CPQ: variants seen among roughly 807,000 people sequenced by gnomAD.
CPQ encodes Ser-Met dipeptidase.
Under a neutral mutation model 45.7 loss-of-function variants are expected in CPQ, and 37 were observed. The ratio of observed to expected loss-of-function variants is 0.81; its 90% CI spans 0.62 to 1.07. The LOEUF is 1.07. Ranked by LOEUF, CPQ falls within the 50% of genes least tolerant of loss-of-function variation. CPQ has a pLI of 0.00. For missense variants in CPQ, 537 were observed against 572.9 expected, an observed-to-expected ratio of 0.94 and a Z score of 0.64; for synonymous variants, 186 against 205.8, an observed-to-expected ratio of 0.90 and a Z score of 0.82.
chr8:97,083,012 A>G (rs1205851914), intron 7 of CPQ, among the ~76,000 whole-genome samples: 3 of 152,202 alleles, frequency 2.0e-5, no homozygotes, highest in African/African-American at 4.8e-5. Flanking sequence ...GAGAGGCAAC[A>G]AGTGTCATGA....
In CPQ at chr8:96,767,635, C is replaced by CTTTT. The variant is rs1172189500; in HGVS notation, c.-34-17206_-34-17203dup. ...AATCCCTTTCAGCTGGTTACCTATG[C>CTTTT]TTTTTTTTTTTTTTTTTTTTTTTTT... On this transcript the variant is annotated intron_variant, in intron 1 of 7. Coordinates refer to ENST00000220763, the MANE Select transcript of CPQ (RefSeq NM_016134.4). Among the ~76,000 whole-genome samples the CTTTT allele has an allele frequency of 1.2e-3, 46 of 39,310 alleles. 10 individuals are homozygous for CTTTT. Among genetic ancestry groups the CTTTT allele is most frequent in the African/African-American group, 2.0e-3 (18 of 9,072 alleles). The allele number at this position is 39,310 out of a possible 152,430, so 25.8% of individuals were successfully genotyped here. A position where few individuals can be genotyped will look rare whatever the true frequency, so the allele number is the denominator to read the frequency against.
At position 96,726,694 on chromosome 8, in the gene CPQ, C is replaced by A. The variant is rs189321419; in HGVS notation, c.-34-58170C>A. ...TCCAATCACCTCCCACCAGGCCCCA[C>A]CTCCAACAATAGCGATTACAACTGA... On this transcript the variant is annotated intron_variant, in intron 1 of 7. Transcript: ENST00000220763. Among the ~76,000 whole-genome samples the A allele has an allele frequency of 1.1e-4, 17 of 152,262 alleles. No homozygotes were observed. The East Asian group carries it at 3.3e-3, about 29-fold the overall frequency.
chr8:97,035,215 T>A lies in CPQ; in HGVS notation c.1053+5721T>A, dbSNP rs146272823. ...CATCCCTTTCTATTACTGGGTAGTT[T>A]TCTATTGTGTGAATATACCACAGTC... On this transcript the variant is annotated intron_variant, in intron 6 of 7. Transcript: ENST00000220763. Among the ~76,000 whole-genome samples, 312 of 152,270 alleles carry A rather than the reference T, an allele frequency of 2.0e-3. 2 individuals carry two copies. Among genetic ancestry groups the A allele is most frequent in the African/African-American group, 7.2e-3 (301 of 41,540 alleles).
At chr8:96,672,064 T>A (rs1809010365) in intron 1 of CPQ, among the ~76,000 whole-genome samples, 1 of 148,918 alleles carries the variant, frequency 6.7e-6, no homozygotes. Context: ...CTGTGCAATG[T>A]CCAACACCAG....
At chr8:97,028,894 C>G (rs1368339714) in intron 5 of CPQ, among the ~76,000 whole-genome samples, 2 of 152,196 alleles carry the variant, frequency 1.3e-5, no homozygotes, top group Non-Finnish European at 2.9e-5. Context: ...ATAACTGTTG[C>G]ATCTGCTTTT....
intron 3 of CPQ, among the ~76,000 whole-genome samples, chr8:96,860,365 C>G (rs1811910366): frequency 6.6e-6 from 1 of 152,132 alleles, no homozygotes; most frequent in African/African-American, 2.4e-5. Context: ...GCTATTATTG[C>G]TATGGCCATG....
chr8:96,911,537 A>T (rs1238057955), intron 4 of CPQ, among the ~76,000 whole-genome samples: 1 of 152,130 alleles, frequency 6.6e-6, no homozygotes, highest in Non-Finnish European at 1.5e-5. Flanking sequence ...TGATTCAATG[A>T]TTCCTGGTGA....
At chr8:96,926,741 A>G (rs1363717105) in intron 4 of CPQ, among the ~76,000 whole-genome samples, 1 of 151,322 alleles carries the variant, frequency 6.6e-6, no homozygotes, top group Non-Finnish European at 1.5e-5. Flanking sequence ...GGTTTATTAC[A>G]TAGGTATACA....
At chr8:96,980,549 C>T (rs1012547365) in intron 5 of CPQ, among the ~76,000 whole-genome samples, 8 of 152,166 alleles carry the variant, frequency 5.3e-5, no homozygotes, top group Non-Finnish European at 1.5e-5. Context: ...CCTGCTAAGC[C>T]ATCAATAATA....
At chr8:97,128,323 C>T (rs1456300527) in intron 7 of CPQ, among the ~76,000 whole-genome samples, 4 of 152,136 alleles carry the variant, frequency 2.6e-5, no homozygotes, top group Non-Finnish European at 5.9e-5. Context: ...GTGTGTAAGT[C>T]CTAGCTCTCC....
intron 7 of CPQ, among the ~76,000 whole-genome samples, chr8:97,090,931 C>T (rs1170486294): frequency 1.3e-5 from 2 of 152,156 alleles, no homozygotes; most frequent in South Asian, 4.1e-4. Context: ...AGAGTCCATG[C>T]CCCTTTAACT....
chr8:96,804,373 T>A (rs1215212594), intron 2 of CPQ, among the ~76,000 whole-genome samples: 1 of 152,134 alleles, frequency 6.6e-6, no homozygotes, highest in African/African-American at 2.4e-5. Context: ...TATCTTTTAG[T>A]AGAAGCACAG....
chr8:96,672,014 A>G (rs1306821400), intron 1 of CPQ, among the ~76,000 whole-genome samples: 2 of 152,170 alleles, frequency 1.3e-5, no homozygotes, highest in Non-Finnish European at 2.9e-5. Context: ...GGTGAAATAG[A>G]TAAGTATTTC....
At chr8:96,797,933 C>G (rs886260076) in intron 2 of CPQ, among the ~76,000 whole-genome samples, 1 of 151,830 alleles carries the variant, frequency 6.6e-6, no homozygotes, top group Non-Finnish European at 1.5e-5. Context: ...TGCCTGTAGT[C>G]CCAGCTACTC....
At chr8:97,017,167 C>T (rs1038325381) in intron 5 of CPQ, among the ~76,000 whole-genome samples, 4 of 152,106 alleles carry the variant, frequency 2.6e-5, no homozygotes, top group Admixed American at 6.5e-5. Context: ...TTCTAGAGTA[C>T]GGGAGAAGAT....
chr8:96,918,257 G>A (rs1812758188), intron 4 of CPQ, among the ~76,000 whole-genome samples: 1 of 152,098 alleles, frequency 6.6e-6, no homozygotes, highest in Non-Finnish European at 1.5e-5. Context: ...TTTACAGCTT[G>A]AGATATCAAT....
chr8:96,743,007 T>A (rs1221692098), intron 1 of CPQ, among the ~76,000 whole-genome samples: 3 of 152,246 alleles, frequency 2.0e-5, no homozygotes, highest in Admixed American at 6.5e-5. Flanking sequence ...TATTTCCTGA[T>A]TCTGAATGTT....
rs138199345 is a variant in CPQ, at chr8:97,046,120, T to A, written c.1053+16626T>A. Among the ~76,000 whole-genome samples the A allele has an allele frequency of 7.9e-5, 12 of 152,344 alleles. No homozygotes were observed. In the East Asian group the frequency reaches 1.2e-3, roughly 15 times the overall value. On this transcript the variant is annotated intron_variant, in intron 6 of 7. Coordinates refer to ENST00000220763, the MANE Select transcript of CPQ (RefSeq NM_016134.4). ...ATCCTGTGGTGTCTTAAAGATACCATGTGTGCCCTGAGAGGCTGGTCTCGG... is the reference window on the plus strand; with the variant it reads ...ATCCTGTGGTGTCTTAAAGATACCAAGTGTGCCCTGAGAGGCTGGTCTCGG...
At chr8:96,847,175 A>G (rs1811705971) in intron 3 of CPQ, among the ~76,000 whole-genome samples, 1 of 152,228 alleles carries the variant, frequency 6.6e-6, no homozygotes, top group Non-Finnish European at 1.5e-5. Context: ...CCACCTTTGT[A>G]GAGGAAATAC....
Sources: allele counts gnomAD v4.1 joint callset (sites outside exome capture counted in the v4.1 genomes callset), GRCh38; gene constraint gnomAD v4.1.1; transcripts MANE v1.5; gene names NCBI Gene and HGNC (gene_info 2026-07-23, HGNC 2026-07-21).